The following CCDC171 variants were observed in gnomAD, a reference collection of about 807,000 sequenced individuals.
CCDC171 encodes the protein coiled-coil domain-containing protein 171.
A neutral mutation model predicts 168.2 loss-of-function variants in CCDC171; 177 were observed. The ratio of observed to expected loss-of-function variants is 1.05; its 90% CI spans 0.93 to 1.19. CCDC171 has a LOEUF of 1.19. CCDC171 is among the 50% of genes most tolerant of loss of function. The pLI is 0.00. For synonymous variants in CCDC171, 687 were observed against 540.8 expected (o/e 1.27, Z -3.75); for missense variants, 1,991 against 1,539.0 (o/e 1.29, Z -4.91).
In CCDC171 at chr9:16,055,029, A is replaced by G. The variant is rs969170041; in HGVS notation, n.90-5617A>G. ...CTGCGGTGGCCAGGTGAGAGGGGGC[A>G]GTGGCTGTCGGGCTGGTGGAGGTGG... is the stretch of plus-strand genomic sequence containing the variant. On this transcript the variant is annotated intron_variant and non_coding_transcript_variant, in intron 1 of 1. Coordinates refer to the CCDC171 transcript ENST00000478913. Among the ~76,000 whole-genome samples the G allele has an allele frequency of 2.6e-5, 4 of 152,188 alleles. No homozygotes were observed. The East Asian group carries it at 5.8e-4, about 22-fold the overall frequency.
intron 24 of CCDC171, among the ~76,000 whole-genome samples, chr9:15,877,087 G>T (rs1817942368): frequency 6.6e-6 from 1 of 152,108 alleles, no homozygotes; most frequent in African/African-American, 2.4e-5. Context: ...TCTGAACCTG[G>T]AAGAGCATGT....
At chr9:16,003,741 T>C (rs1048562365) in intron 3 of CCDC171, among the ~76,000 whole-genome samples, 1 of 152,190 alleles carries the variant, frequency 6.6e-6, no homozygotes, top group Admixed American at 6.5e-5. Flanking sequence ...TTAGATAAAA[T>C]CCAAGTTTTC....
At chr9:15,968,006 T>C (rs1324601976) in intron 25 of CCDC171, among the ~76,000 whole-genome samples, 1 of 152,208 alleles carries the variant, frequency 6.6e-6, no homozygotes, top group Non-Finnish European at 1.5e-5. Context: ...AATTAAGATA[T>C]TAAAGCCTTG....
chr9:15,554,007 A>G (rs2038564772), intron 1 of CCDC171, among the ~76,000 whole-genome samples: 1 of 149,506 alleles, frequency 6.7e-6, no homozygotes, highest in Non-Finnish European at 1.5e-5. Flanking sequence ...GGAGAAAAGA[A>G]CATACGATTT....
chr9:15,743,437 C>G (rs1398562440), intron 16 of CCDC171, among the ~76,000 whole-genome samples: 5 of 152,124 alleles, frequency 3.3e-5, no homozygotes, highest in African/African-American at 1.2e-4. Flanking sequence ...CTCCCAAACA[C>G]TGGGATTACA....
chr9:15,600,652 C>G (rs1252209811), intron 6 of CCDC171, among the ~76,000 whole-genome samples: 2 of 152,226 alleles, frequency 1.3e-5, no homozygotes, highest in African/African-American at 4.8e-5. Context: ...AACTGCTACT[C>G]TCTTCAAAGC....
intron 2 of CCDC171, among the ~76,000 whole-genome samples, chr9:15,569,191 T>C (rs991266207): frequency 6.6e-6 from 1 of 152,220 alleles, no homozygotes; most frequent in Non-Finnish European, 1.5e-5. Context: ...TCCGCCTATT[T>C]CCATGGATTT....
intron 10 of CCDC171, among the ~76,000 whole-genome samples, chr9:15,681,848 T>A (rs1483730611): frequency 6.6e-6 from 1 of 152,108 alleles, no homozygotes; most frequent in Non-Finnish European, 1.5e-5. Flanking sequence ...ATGAGGAAGA[T>A]TTTCCCTTTT....
intron 23 of CCDC171, among the ~76,000 whole-genome samples, chr9:15,858,128 C>G (rs1588880237): frequency 6.6e-6 from 1 of 151,918 alleles, no homozygotes; most frequent in Non-Finnish European, 1.5e-5. Context: ...ATCAATTCTC[C>G]CGCCTCAGCC....
chr9:15,928,657 G>C (rs777410383), intron 25 of CCDC171, among the ~76,000 whole-genome samples: 184 of 151,680 alleles, frequency 1.2e-3, no homozygotes, highest in Non-Finnish European at 2.0e-3. Flanking sequence ...ATACTTCTTA[G>C]TTAGATTTTC....
chr9:15,552,932 C>T (rs2038454470), upstream of CCDC171, among the ~76,000 whole-genome samples: 1 of 151,372 alleles, frequency 6.6e-6, no homozygotes, highest in African/African-American at 2.4e-5. Flanking sequence ...GGCGGGCGGG[C>T]TCTTCCAATC....
intron 1 of CCDC171, among the ~76,000 whole-genome samples, chr9:16,058,838 C>G (rs1439477614): frequency 6.6e-6 from 1 of 152,198 alleles, no homozygotes; most frequent in Non-Finnish European, 1.5e-5. Flanking sequence ...AGTTCTAAGG[C>G]AGGATTGACC....
chr9:16,052,180 C>G (rs763849468), intron 1 of CCDC171, among the ~76,000 whole-genome samples: 1 of 152,192 alleles, frequency 6.6e-6, no homozygotes. Context: ...GTTGGAGCCT[C>G]TCCATCCTTC....
At chr9:15,995,956 C>G (rs972221014) in intron 3 of CCDC171, among the ~76,000 whole-genome samples, 1 of 151,792 alleles carries the variant, frequency 6.6e-6, no homozygotes, top group Admixed American at 6.5e-5. Flanking sequence ...TCATTAACTT[C>G]TGTTTATCAC....
intron 1 of CCDC171, among the ~76,000 whole-genome samples, chr9:16,054,020 C>T (rs1199728075): frequency 1.3e-5 from 2 of 152,310 alleles, no homozygotes; most frequent in Middle Eastern, 3.4e-3. Flanking sequence ...TGCAGCCTGG[C>T]CTGCTGATGT....
intron 6 of CCDC171, among the ~76,000 whole-genome samples, chr9:15,595,301 C>G (rs1239795005): frequency 6.6e-6 from 1 of 152,100 alleles, no homozygotes; most frequent in East Asian, 1.9e-4. Context: ...CTCCCCGCTC[C>G]CCTGACCCCA....
At chr9:16,050,006 C>G (rs1833724823) in intron 1 of CCDC171, among the ~76,000 whole-genome samples, 1 of 152,208 alleles carries the variant, frequency 6.6e-6, no homozygotes, top group African/African-American at 2.4e-5. Context: ...CCCACCTTAG[C>G]CTCCCAAGTA....
intron 3 of CCDC171, 131 bp from the exon 4 acceptor site, chr9:15,578,718 C>T (rs969455235): frequency 3.2e-5 from 17 of 532,866 alleles, no homozygotes; most frequent in Middle Eastern, 5.0e-4. Flanking sequence ...TCCAGTGATT[C>T]AGAATATATA....
At chr9:15,661,205 A>G (rs1438809670) in intron 8 of CCDC171, among the ~76,000 whole-genome samples, 1 of 150,766 alleles carries the variant, frequency 6.6e-6, no homozygotes, top group Non-Finnish European at 1.5e-5. Context: ...GCGTGAACCA[A>G]GGAGGTGGAG....
Sources: allele counts gnomAD v4.1 joint callset (sites outside exome capture counted in the v4.1 genomes callset), GRCh38; gene constraint gnomAD v4.1.1; transcripts MANE v1.5; gene names NCBI Gene and HGNC (gene_info 2026-07-23, HGNC 2026-07-21).